The following PLSCR4 variants were observed in gnomAD, a reference collection of about 807,000 sequenced individuals.
PLSCR4 encodes phospholipid scramblase 4, also known as Ca(2+)-dependent phospholipid scramblase 4.
PLSCR4 carries 25 observed loss-of-function variants against 36.3 expected under a neutral mutation model. The observed-to-expected ratio is 0.69, with a 90% CI of 0.50 to 0.96. PLSCR4 has a LOEUF of 0.96. Among genes scored for constraint, PLSCR4 ranks in the 40% least tolerant of loss-of-function variants. The pLI, the probability that PLSCR4 is intolerant of heterozygous loss-of-function variation, is 0.00. For synonymous variants in PLSCR4, 122 were observed against 132.9 expected, an observed-to-expected ratio of 0.92 and a Z score of 0.56; for missense variants, 408 against 414.7, an observed-to-expected ratio of 0.98 and a Z score of 0.14.
chr3:146,224,815 G>T (rs1168252712), intron 1 of PLSCR4, among the ~76,000 whole-genome samples: 1 of 151,244 alleles, frequency 6.6e-6, no homozygotes, highest in African/African-American at 2.4e-5. Context: ...CAATCCCTGC[G>T]CTAGATACAA....
At chr3:146,247,109 T>C (rs1391723245) in intron 1 of PLSCR4, among the ~76,000 whole-genome samples, 1 of 152,230 alleles carries the variant, frequency 6.6e-6, no homozygotes, top group Non-Finnish European at 1.5e-5. Flanking sequence ...AACCTCATTC[T>C]TTTTAATGGC....
intron 1 of PLSCR4, among the ~76,000 whole-genome samples, chr3:146,225,340 C>G (rs2035404460): frequency 1.3e-5 from 2 of 152,246 alleles, no homozygotes; most frequent in South Asian, 4.1e-4. Flanking sequence ...TCCACTTCCC[C>G]ACCAGACTCA....
At chr3:146,250,026 T>C (rs72992958) in intron 1 of PLSCR4, among the ~76,000 whole-genome samples, 2,141 of 152,348 alleles carry the variant, frequency 0.014, 52 homozygotes, top group African/African-American at 0.049. Context: ...GTGTTTCCTA[T>C]GGACATTAAG....
chr3:146,217,589 G>A (rs1213421560), intron 3 of PLSCR4, among the ~76,000 whole-genome samples: 1 of 152,218 alleles, frequency 6.6e-6, no homozygotes. Flanking sequence ...GCTGATTTTG[G>A]TGAAAGGAGC....
At chr3:146,216,025 G>C (rs1431360776) in intron 3 of PLSCR4, among the ~76,000 whole-genome samples, 2 of 152,148 alleles carry the variant, frequency 1.3e-5, no homozygotes, top group Non-Finnish European at 2.9e-5. Flanking sequence ...GAGGTCAGGA[G>C]TTTGAGACCA....
At chr3:146,238,590 C>T (rs2036015510) in intron 1 of PLSCR4, among the ~76,000 whole-genome samples, 1 of 152,000 alleles carries the variant, frequency 6.6e-6, no homozygotes, top group East Asian at 1.9e-4. Flanking sequence ...GAATCCACTA[C>T]TCTTTATTGA....
chr3:146,225,122 G>A (rs892851684), intron 1 of PLSCR4, among the ~76,000 whole-genome samples: 2 of 152,088 alleles, frequency 1.3e-5, no homozygotes, highest in African/African-American at 2.4e-5. Flanking sequence ...GCTAGATACA[G>A]AGTGTCCATT....
In PLSCR4 at chr3:146,213,051, A is replaced by C. The variant is rs564468360; in HGVS notation, c.119-6290T>G. On this transcript the variant is annotated intron_variant, in intron 3 of 8. Transcript: ENST00000354952. ...AATATGATATTTAATGTGATAAACC[A>C]ATCTTTTATCCATGGGATAAATCCC... is the stretch of plus-strand genomic sequence containing the variant. Among the ~76,000 whole-genome samples, 98 of 152,314 alleles carry C rather than the reference A, an allele frequency of 6.4e-4. 1 individual carries two copies. Among genetic ancestry groups the C allele is most frequent in the African/African-American group, 2.3e-3 (95 of 41,576 alleles).
At position 146,198,493 on chromosome 3, in the gene PLSCR4, T is replaced by C. The variant is rs2033868321; in HGVS notation, c.624+1320A>G. 2.6e-5 allele frequency among the ~76,000 whole-genome samples: 4 copies of C among 152,064 alleles called. No homozygotes were observed. In the South Asian group the frequency reaches 8.3e-4, roughly 31 times the overall value. On this transcript the variant is annotated intron_variant, in intron 6 of 8. Coordinates refer to ENST00000354952, the MANE Select transcript of PLSCR4 (RefSeq NM_020353.3). ...ACAGGTCACTGCAGCCTCGATATCC[T>C]GGGCTCAAGTGATCCTCCTACCTTA...
chr3:146,195,423 C>T, intron 7 of PLSCR4, 141 bp from the exon 8 acceptor site: 1 of 689,374 alleles, frequency 1.5e-6, no homozygotes, highest in Non-Finnish European at 2.4e-6. Context: ...AAATAATGGC[C>T]AAAAAGGGTT....
In PLSCR4 at chr3:146,238,489, A is replaced by G. The variant is rs539815568; in HGVS notation, c.-22+12471T>C. 6.6e-5 allele frequency among the ~76,000 whole-genome samples: 10 copies of G among 152,132 alleles called. No individual in the cohort carries two copies. The East Asian group carries it at 1.7e-3, about 26-fold the overall frequency. On this transcript the variant is annotated intron_variant, in intron 1 of 8. Transcript: ENST00000354952. ...TAGTAATAAAATGGTTTATCAAACA[A>G]AAAAAACCTCAATCAATGAATATAT... is the stretch of plus-strand genomic sequence containing the variant.
intron 1 of PLSCR4, among the ~76,000 whole-genome samples, chr3:146,224,285 G>C (rs1261369583): frequency 2.6e-5 from 4 of 152,218 alleles, no homozygotes; most frequent in Non-Finnish European, 5.9e-5. Context: ...ATATCCTGTA[G>C]TGAAAACAAA....
chr3:146,234,884 A>G (rs1362287537), intron 1 of PLSCR4, among the ~76,000 whole-genome samples: 1 of 152,148 alleles, frequency 6.6e-6, no homozygotes, highest in Admixed American at 6.6e-5. Flanking sequence ...CACACTAAAG[A>G]GATCTAAATA....
At chr3:146,246,700 A>G (rs1465859917) in intron 1 of PLSCR4, among the ~76,000 whole-genome samples, 1 of 152,106 alleles carries the variant, frequency 6.6e-6, no homozygotes, top group Non-Finnish European at 1.5e-5. Flanking sequence ...TCATTGTGTC[A>G]TTTTACAGCT....
rs768117831 is a variant in PLSCR4, at chr3:146,206,597, C to T, written c.283G>A (p.Val95Ile). The T allele has an allele frequency of 6.2e-7, 1 of 1,613,600 alleles. No homozygotes were observed. Among genetic ancestry groups the T allele is most frequent in the Non-Finnish European group, 8.5e-7 (1 of 1,179,700 alleles). ...GGCCCTGGCATCCATGTTATTGGAA[C>T]AGACTGATTTGGCATAGGATATTTG... is the stretch of plus-strand genomic sequence containing the variant. ...PGKYPMPNQS[V>I]PITWMPGPTP... Residue 95 changes from valine to isoleucine, a missense_variant, in exon 4 of 9, where the codon GTT (valine) becomes ATT (isoleucine). Transcript: ENST00000354952.
At chr3:146,240,290 T>A (rs935751847) in intron 1 of PLSCR4, among the ~76,000 whole-genome samples, 12 of 151,970 alleles carry the variant, frequency 7.9e-5, no homozygotes, top group African/African-American at 2.9e-4. Flanking sequence ...TCACTGATCA[T>A]TAAAAAAAAT....
chr3:146,234,297 C>G (rs1459146348), intron 1 of PLSCR4, among the ~76,000 whole-genome samples: 11 of 152,172 alleles, frequency 7.2e-5, no homozygotes, highest in Admixed American at 4.6e-4. Context: ...AGGAGAAGCC[C>G]TCTACTTCTG....
intron 3 of PLSCR4, 101 bp downstream of exon 3, chr3:146,220,714 C>G (rs1576473151): frequency 1.4e-6 from 1 of 729,488 alleles, no homozygotes; most frequent in East Asian, 2.7e-5. Flanking sequence ...TATTTATTTA[C>G]TTATTAAATC....
intron 1 of PLSCR4, among the ~76,000 whole-genome samples, chr3:146,244,804 A>G (rs1009180264): frequency 6.6e-6 from 1 of 152,138 alleles, no homozygotes; most frequent in Admixed American, 6.5e-5. Context: ...CTTTAAGTCA[A>G]AAAGCTGGAA....
Sources: allele counts gnomAD v4.1 joint callset (sites outside exome capture counted in the v4.1 genomes callset), GRCh38; gene constraint gnomAD v4.1.1; transcripts MANE v1.5; gene names NCBI Gene and HGNC (gene_info 2026-07-23, HGNC 2026-07-21).